The following JAK1 variants were observed in gnomAD, a reference collection of about 807,000 sequenced individuals.
JAK1 encodes tyrosine-protein kinase JAK1.
JAK1 carries 16 observed loss-of-function variants against 136.6 expected under a neutral mutation model. The observed-to-expected ratio is 0.12, with a 90% CI of 0.08 to 0.18. The LOEUF (loss-of-function observed/expected upper bound fraction) is 0.18. Among genes scored for constraint, JAK1 ranks in the 10% least tolerant of loss-of-function variants. JAK1 has a pLI of 1.00. For missense variants in JAK1, 859 were observed against 1,450.1 expected, an observed-to-expected ratio of 0.59 and a Z score of 6.62; for synonymous variants, 492 against 519.5, an observed-to-expected ratio of 0.95 and a Z score of 0.72.
At chr1:64,970,142 A>AAAAAAAAC (rs1646437490), upstream of JAK1, among the ~76,000 whole-genome samples, 1 of 148,524 alleles carries the variant, frequency 6.7e-6, no homozygotes, top group Non-Finnish European at 1.5e-5. Context: ...CTCAAAAAAA[A>AAAAAAAAC]AAAAAAAAAA....
upstream of JAK1, among the ~76,000 whole-genome samples, chr1:64,967,516 C>T (rs1192428196): frequency 2.0e-5 from 3 of 152,168 alleles, no homozygotes; most frequent in African/African-American, 4.8e-5. Context: ...GAAAATCCTC[C>T]GAGGCCGTGC....
chr1:64,882,708 AG>A (rs1644792682), intron 3 of JAK1, among the ~76,000 whole-genome samples: 1 of 152,200 alleles, frequency 6.6e-6, no homozygotes, highest in African/African-American at 2.4e-5. Context: ...GAGAAAAAAA[AG>A]CTTGTGTTGT....
intron 1 of JAK1, among the ~76,000 whole-genome samples, chr1:64,946,409 A>C: frequency 6.6e-6 from 1 of 152,212 alleles, no homozygotes; most frequent in East Asian, 1.9e-4. Flanking sequence ...ACTTCCCCAA[A>C]GTCATAGGTC....
In JAK1 at chr1:65,032,161, T is replaced by A. The variant is rs139996146; in HGVS notation, c.-78+12319A>T. 9.6e-3 allele frequency among the ~76,000 whole-genome samples: 1,458 copies of A among 152,200 alleles called. 17 individuals carry two copies. The highest frequency in any genetic ancestry group is 0.034 in the African/African-American group (1,405 of 41,522). On this transcript the variant is annotated intron_variant, in intron 2 of 25. Transcript: ENST00000671954. ...TTGTATTTTTAGTAGAGACGGGGTT[T>A]TGCCATATTGGCCAGGCTGGTCTCA...
At chr1:64,889,622 C>T (rs1221126104) in intron 1 of JAK1, among the ~76,000 whole-genome samples, 1 of 152,038 alleles carries the variant, frequency 6.6e-6, no homozygotes, top group Non-Finnish European at 1.5e-5. Context: ...ATAAAAGAAA[C>T]AAGACACAAT....
intron 1 of JAK1, among the ~76,000 whole-genome samples, chr1:64,934,413 G>A (rs759245514): frequency 3.3e-5 from 5 of 152,200 alleles, no homozygotes; most frequent in South Asian, 2.1e-4. Context: ...GAGCAGGGTC[G>A]TTTCCTAACT....
rs1353183685 is a variant in JAK1, at chr1:64,966,405, G to A, written c.-150C>T. On this transcript the variant is annotated 5_prime_UTR_variant, in exon 1 of 25. Coordinates refer to ENST00000342505, the MANE Select transcript of JAK1 (RefSeq NM_002227.4). The stretch of plus-strand genomic sequence containing the variant: ...CTGGGGTCGACCGGCAGGCTCGCTA[G>A]GCGGCCAGCCCCGCGGGGCCCCAGC... 3.3e-5 allele frequency: 5 copies of A among 151,376 alleles called. No homozygotes were observed. Among genetic ancestry groups the A allele is most frequent in the Non-Finnish European group, 7.4e-5 (5 of 67,866 alleles). The allele number at this position is 151,376 out of a possible 1,614,324, so 9.4% of individuals were successfully genotyped here. A position where few individuals can be genotyped will look rare whatever the true frequency, so the allele number is the denominator to read the frequency against.
chr1:64,938,361 G>A (rs1645828901), intron 1 of JAK1, among the ~76,000 whole-genome samples: 1 of 152,118 alleles, frequency 6.6e-6, no homozygotes, highest in Admixed American at 6.5e-5. Context: ...AGTAATAACA[G>A]GATAGTAGCA....
At chr1:64,896,737 C>T (rs1469120222) in intron 1 of JAK1, among the ~76,000 whole-genome samples, 1 of 152,136 alleles carries the variant, frequency 6.6e-6, no homozygotes. Context: ...AGGACACACC[C>T]GACCAAGCGA....
At chr1:65,005,105 C>A (rs1466164593) in intron 2 of JAK1, among the ~76,000 whole-genome samples, 1 of 152,068 alleles carries the variant, frequency 6.6e-6, no homozygotes, top group African/African-American at 2.4e-5. Context: ...AAGAAACAAA[C>A]AAACAAACAA....
chr1:64,873,517 A>G lies in JAK1; in HGVS notation c.336T>C (p.Tyr112=), dbSNP rs555169025. 8 of 1,614,176 alleles carry G rather than the reference A, an allele frequency of 5.0e-6. No homozygotes were observed. In the Admixed American group the frequency reaches 5.0e-5, roughly 10 times the overall value. Residue 112 remains tyrosine, a synonymous_variant, in exon 5 of 25, where the codon TAT becomes TAC. Transcript: ENST00000342505. ...SLRLHYRMRF[Y]FTNWHGTNDN... is the part of the protein sequence containing the mutation. ...CGTTGGTTCCATGCCAATTGGTGAA[A>G]TAGAACCTGGAAGGCAGGAAAATGA...
intron 1 of JAK1, among the ~76,000 whole-genome samples, chr1:64,920,048 T>C (rs1292315854): frequency 2.6e-5 from 4 of 152,164 alleles, no homozygotes; most frequent in Non-Finnish European, 5.9e-5. Context: ...GTGACAAATA[T>C]GACCCAAGTA....
At chr1:64,932,698 A>C (rs1439726852) in intron 1 of JAK1, among the ~76,000 whole-genome samples, 1 of 152,104 alleles carries the variant, frequency 6.6e-6, no homozygotes, top group African/African-American at 2.4e-5. Flanking sequence ...TACTCCTAAC[A>C]CTAACGCTAT....
intron 17 of JAK1, 146 bp from the exon 18 acceptor site, chr1:64,841,747 C>T: frequency 1.3e-6 from 1 of 782,462 alleles, no homozygotes; most frequent in South Asian, 1.7e-5. Flanking sequence ...TTACTGCTGC[C>T]TTATTCTTGC....
Position 64,847,897 on chromosome 1 carries a change from A to G in JAK1, c.1756-222T>C, listed in dbSNP as rs527501659. Among the ~76,000 whole-genome samples the G allele has an allele frequency of 9.2e-5, 14 of 152,096 alleles. No homozygotes were observed. The East Asian group carries it at 2.5e-3, about 27-fold the overall frequency. ...CTGGGCCCCAGGAGACAGTCCTCCT[A>G]CTCCCTAAACGGCTCCTTGCTTTCT... On this transcript the variant is annotated intron_variant, in intron 12 of 24. Transcript: ENST00000342505.
chr1:64,861,667 A>T (rs879466044), intron 8 of JAK1, among the ~76,000 whole-genome samples: 4 of 152,158 alleles, frequency 2.6e-5, no homozygotes, highest in African/African-American at 7.2e-5. Flanking sequence ...CAGTGAAGGG[A>T]AAAAGGAGCA....
chr1:64,841,157 A>C, intron 19 of JAK1, 88 bp downstream of exon 19: 1 of 961,386 alleles, frequency 1.0e-6, no homozygotes, highest in East Asian at 2.4e-5. Context: ...AATGAAAAAG[A>C]ATGGAGAGCA....
At chr1:64,890,219 A>G (rs930706919) in intron 1 of JAK1, among the ~76,000 whole-genome samples, 2 of 151,930 alleles carry the variant, frequency 1.3e-5, no homozygotes. Flanking sequence ...GAAACCTAAC[A>G]CAACAATGAA....
At position 64,958,008 on chromosome 1, in the gene JAK1, C is replaced by T. The variant is rs1301103691; in HGVS notation, c.-78+8325G>A. The stretch of plus-strand genomic sequence containing the variant: ...TACAACCCACCTCTGACATCTCTCC[C>T]GGTACTCAGCATCACTGTAACAAAC... On this transcript the variant is annotated intron_variant, in intron 1 of 24. Transcript: ENST00000342505. 4.6e-5 allele frequency among the ~76,000 whole-genome samples: 7 copies of T among 152,212 alleles called. No individual in the cohort carries two copies. The East Asian group carries it at 9.7e-4, about 21-fold the overall frequency.
Sources: allele counts gnomAD v4.1 joint callset (sites outside exome capture counted in the v4.1 genomes callset), GRCh38; gene constraint gnomAD v4.1.1; transcripts MANE v1.5; gene names NCBI Gene and HGNC (gene_info 2026-07-23, HGNC 2026-07-21).